The following ANTXR1 variants were observed in gnomAD, a reference collection of about 807,000 sequenced individuals.
ANTXR1 encodes anthrax toxin receptor 1.
Under a neutral mutation model 78.1 loss-of-function variants are expected in ANTXR1, and 19 were observed. The observed-to-expected ratio is 0.24, with a 90% CI of 0.17 to 0.36. The LOEUF is 0.36. Ranked by LOEUF, ANTXR1 falls within the 10% of genes least tolerant of loss-of-function variation. The probability of loss-of-function intolerance (pLI) is 1.00; values close to 1 mark genes in which losing one functional copy is unlikely to be tolerated. For synonymous variants in ANTXR1, 273 were observed against 260.5 expected (o/e 1.05, Z -0.46); for missense variants, 518 against 718.6 (o/e 0.72, Z 3.19).
At position 69,059,773 on chromosome 2, in the gene ANTXR1, T is replaced by G. The variant is rs904706795; in HGVS notation, c.297-10874T>G. On this transcript the variant is annotated intron_variant, in intron 3 of 17. Coordinates refer to ENST00000303714, the MANE Select transcript of ANTXR1 (RefSeq NM_032208.3). Reference sequence around the variant, plus strand: ...GTGAGAGTCACTTTACTTCAATATTTCAATATTCACTTTATCTTGGTGGTC... The same window carrying G: ...GTGAGAGTCACTTTACTTCAATATTGCAATATTCACTTTATCTTGGTGGTC... 3.3e-5 allele frequency among the ~76,000 whole-genome samples: 5 copies of G among 152,198 alleles called. No homozygotes were observed. In the East Asian group the frequency reaches 9.6e-4, roughly 29 times the overall value.
chr2:69,139,565 G>A (rs913842727), intron 12 of ANTXR1, among the ~76,000 whole-genome samples: 1 of 152,198 alleles, frequency 6.6e-6, no homozygotes, highest in African/African-American at 2.4e-5. Context: ...TTAAGGAATT[G>A]ATCATCATGG....
At chr2:69,096,281 G>GA (rs1313648794) in intron 9 of ANTXR1, among the ~76,000 whole-genome samples, 3 of 10,682 alleles carry the variant, frequency 2.8e-4, no homozygotes, top group African/African-American at 1.3e-3. Context: ...AGGAAGGAAG[G>GA]AAGGAAGGGA....
intron 17 of ANTXR1, among the ~76,000 whole-genome samples, chr2:69,204,999 A>G (rs1004069344): frequency 9.2e-5 from 14 of 152,206 alleles, no homozygotes; most frequent in East Asian, 1.9e-4. Context: ...CCCACTCTCC[A>G]GCAGGCACCA....
At chr2:69,068,522 T>G (rs796718582) in intron 3 of ANTXR1, among the ~76,000 whole-genome samples, 2 of 152,088 alleles carry the variant, frequency 1.3e-5, no homozygotes, top group African/African-American at 2.4e-5. Flanking sequence ...GAAGTGCCTA[T>G]TGGAGAAAGG....
chr2:69,057,945 T>G (rs778364843), intron 3 of ANTXR1, among the ~76,000 whole-genome samples: 6 of 152,204 alleles, frequency 3.9e-5, no homozygotes, highest in Non-Finnish European at 5.9e-5. Context: ...TTTTAGTGGT[T>G]TGGATAGAAG....
chr2:69,051,046 G>A (rs1009158055), intron 3 of ANTXR1, among the ~76,000 whole-genome samples: 1 of 152,092 alleles, frequency 6.6e-6, no homozygotes, highest in African/African-American at 2.4e-5. Context: ...AGGACTTTGG[G>A]AGGCTGAGGC....
intron 9 of ANTXR1, among the ~76,000 whole-genome samples, chr2:69,095,272 T>G (rs1671361699): frequency 6.6e-6 from 1 of 152,302 alleles, no homozygotes. Flanking sequence ...CGATTCTTAG[T>G]GTCTTTTATG....
chr2:69,120,897 C>A (rs532434763), intron 10 of ANTXR1, among the ~76,000 whole-genome samples: 62 of 152,258 alleles, frequency 4.1e-4, no homozygotes, highest in African/African-American at 1.4e-3. Flanking sequence ...GTCATCTGGC[C>A]CTGCTGCCTT....
At chr2:69,157,414 C>A (rs1006205140) in intron 13 of ANTXR1, among the ~76,000 whole-genome samples, 12 of 152,148 alleles carry the variant, frequency 7.9e-5, no homozygotes, top group African/African-American at 2.7e-4. Context: ...GACCAGCCCA[C>A]ATTAAAGGGA....
chr2:69,210,717 C>T (rs1675019626), intron 17 of ANTXR1, among the ~76,000 whole-genome samples: 1 of 152,118 alleles, frequency 6.6e-6, no homozygotes, highest in African/African-American at 2.4e-5. Context: ...GGGTGGATCA[C>T]TTGAGGTCAG....
At chr2:69,123,214 G>A in intron 11 of ANTXR1, 128 bp downstream of exon 11, 7 of 979,224 alleles carry the variant, frequency 7.1e-6, no homozygotes, top group Non-Finnish European at 1.1e-5. Flanking sequence ...TTATGACGGA[G>A]CCAGTGTTTA....
At chr2:69,207,469 A>G (rs1558646137) in intron 17 of ANTXR1, among the ~76,000 whole-genome samples, 1 of 152,180 alleles carries the variant, frequency 6.6e-6, no homozygotes, top group Non-Finnish European at 1.5e-5. Context: ...CTGCCCGAAG[A>G]GAGAGAAAAA....
intron 14 of ANTXR1, among the ~76,000 whole-genome samples, chr2:69,177,797 G>A (rs1004213567): frequency 2.0e-5 from 3 of 152,072 alleles, no homozygotes; most frequent in Non-Finnish European, 4.4e-5. Context: ...ATATTAAAGG[G>A]ACTCTTATTT....
chr2:69,218,768 A>G (rs186281347), intron 17 of ANTXR1, among the ~76,000 whole-genome samples: 3 of 152,342 alleles, frequency 2.0e-5, no homozygotes, highest in African/African-American at 7.2e-5. Flanking sequence ...CAGAGTATGT[A>G]GCCGCTGTAA....
chr2:69,202,223 C>G (rs1394290574), intron 17 of ANTXR1, among the ~76,000 whole-genome samples: 1 of 152,042 alleles, frequency 6.6e-6, no homozygotes, highest in African/African-American at 2.4e-5. Context: ...CTAAGAAGGA[C>G]CAGCCAAGAG....
At chr2:69,125,692 T>C (rs1394901549) in intron 12 of ANTXR1, among the ~76,000 whole-genome samples, 1 of 151,894 alleles carries the variant, frequency 6.6e-6, no homozygotes, top group African/African-American at 2.4e-5. Flanking sequence ...AAAACAAAAA[T>C]TAGCTGGGCA....
intron 16 of ANTXR1, among the ~76,000 whole-genome samples, chr2:69,186,962 G>A (rs1245475743): frequency 6.6e-6 from 1 of 152,174 alleles, no homozygotes; most frequent in Non-Finnish European, 1.5e-5. Context: ...TCTGCTATAA[G>A]CAAGGAGAAC....
intron 12 of ANTXR1, among the ~76,000 whole-genome samples, chr2:69,131,092 A>C (rs1291910838): frequency 6.6e-6 from 1 of 151,232 alleles, no homozygotes; most frequent in Non-Finnish European, 1.5e-5. Context: ...TTCTGTTGCC[A>C]CAAAAAAAAA....
intron 1 of ANTXR1, among the ~76,000 whole-genome samples, chr2:69,029,130 G>A (rs547793127): frequency 1.3e-5 from 2 of 151,696 alleles, no homozygotes; most frequent in Admixed American, 6.6e-5. Flanking sequence ...TCAGGAGGCC[G>A]AGGCACAAGA....
Sources: gnomAD v4.1 joint callset for allele counts (sites outside exome capture counted in the v4.1 genomes callset) on GRCh38, gnomAD v4.1.1 for gene constraint, MANE v1.5 for transcripts, NCBI Gene and HGNC (gene_info 2026-07-23, HGNC 2026-07-21) for gene names.